The following RALYL variants were observed in gnomAD, a reference collection of about 807,000 sequenced individuals.
RALYL encodes the protein RALY RNA binding protein like.
In RALYL, 29 loss-of-function variants were observed where a neutral mutation model predicts 35.1. The observed-to-expected ratio is 0.83, with a 90% CI of 0.61 to 1.13. The LOEUF is 1.13. RALYL is among the 50% of genes most tolerant of loss of function. The pLI is 0.00. For synonymous variants in RALYL, 120 were observed against 127.6 expected, an observed-to-expected ratio of 0.94 and a Z score of 0.40; for missense variants, 359 against 360.4, an observed-to-expected ratio of 1.00 and a Z score of 0.03.
chr8:84,442,442 T>C (rs1007112917), intron 1 of RALYL, among the ~76,000 whole-genome samples: 1 of 152,150 alleles, frequency 6.6e-6, no homozygotes, highest in Non-Finnish European at 1.5e-5. Context: ...TTTCTTTTCC[T>C]ACAACCACCA....
At chr8:84,870,908 G>T (rs1840074772) in intron 6 of RALYL, among the ~76,000 whole-genome samples, 2 of 152,182 alleles carry the variant, frequency 1.3e-5, no homozygotes, top group African/African-American at 4.8e-5. Flanking sequence ...ATATTGAAGT[G>T]TGATGAGGAA....
At chr8:84,844,148 CA>C in intron 4 of RALYL, among the ~76,000 whole-genome samples, 1 of 152,226 alleles carries the variant, frequency 6.6e-6, no homozygotes, top group East Asian at 1.9e-4. Context: ...AGCTTCTGCA[CA>C]GCAAAAGAAA....
chr8:84,536,720 G>A (rs575440636), intron 2 of RALYL, among the ~76,000 whole-genome samples: 39 of 152,192 alleles, frequency 2.6e-4, no homozygotes, highest in African/African-American at 8.7e-4. Context: ...TTTGGACTGA[G>A]AAAAAAGAAG....
intron 2 of RALYL, among the ~76,000 whole-genome samples, chr8:84,539,850 ATATG>A (rs1487155273): frequency 0.011 from 122 of 11,116 alleles, 1 homozygote; most frequent in East Asian, 0.021. Context: ...ATATATATAT[ATATG>A]TATATATATA....
chr8:84,835,282 A>G (rs1394072717), intron 4 of RALYL, among the ~76,000 whole-genome samples: 5 of 152,220 alleles, frequency 3.3e-5, no homozygotes, highest in Non-Finnish European at 7.3e-5. Flanking sequence ...CAAAAAAGCT[A>G]TAATCAAAGA....
intron 1 of RALYL, among the ~76,000 whole-genome samples, chr8:84,420,161 A>G (rs1371644504): frequency 6.6e-6 from 1 of 151,940 alleles, no homozygotes; most frequent in Non-Finnish European, 1.5e-5. Flanking sequence ...CAGTCCCAGC[A>G]ACAGTGTAAA....
At chr8:84,880,982 G>C (rs1370506309) in intron 7 of RALYL, among the ~76,000 whole-genome samples, 2 of 151,618 alleles carry the variant, frequency 1.3e-5, no homozygotes, top group Non-Finnish European at 2.9e-5. Flanking sequence ...GTTTTATAAG[G>C]ATTATATAAT....
At chr8:84,405,046 C>G (rs1330496849) in intron 1 of RALYL, among the ~76,000 whole-genome samples, 1 of 152,120 alleles carries the variant, frequency 6.6e-6, no homozygotes. Flanking sequence ...AATTAGAACT[C>G]AGGATTAAGA....
intron 1 of RALYL, among the ~76,000 whole-genome samples, chr8:84,385,881 C>T (rs1859085139): frequency 6.6e-6 from 1 of 151,812 alleles, no homozygotes; most frequent in Non-Finnish European, 1.5e-5. Context: ...GCTTCATCTC[C>T]AGGATGGCAT....
At chr8:84,811,360 G>A (rs1563657049) in intron 4 of RALYL, among the ~76,000 whole-genome samples, 2 of 152,144 alleles carry the variant, frequency 1.3e-5, no homozygotes, top group South Asian at 4.1e-4. Context: ...CTTCTAGTTT[G>A]TAGGGTTTCT....
intron 3 of RALYL, among the ~76,000 whole-genome samples, chr8:84,777,937 G>T (rs773505091): frequency 6.6e-6 from 1 of 152,082 alleles, no homozygotes; most frequent in Non-Finnish European, 1.5e-5. Context: ...CACCGCACCC[G>T]GCTTCTGAGT....
At chr8:84,327,859 T>C (rs1846107862) in intron 1 of RALYL, among the ~76,000 whole-genome samples, 1 of 152,194 alleles carries the variant, frequency 6.6e-6, no homozygotes, top group Non-Finnish European at 1.5e-5. Flanking sequence ...TAATATAGAC[T>C]ATGCTTAGAA....
intron 8 of RALYL, among the ~76,000 whole-genome samples, chr8:84,892,787 A>G (rs906794801): frequency 3.3e-5 from 5 of 152,254 alleles, no homozygotes; most frequent in African/African-American, 4.8e-5. Flanking sequence ...TTTATAATTT[A>G]TAAGCAGCCA....
chr8:84,419,011 T>C (rs565751932), intron 1 of RALYL, among the ~76,000 whole-genome samples: 2 of 152,296 alleles, frequency 1.3e-5, no homozygotes, highest in East Asian at 3.9e-4. Context: ...TTTAATAGAA[T>C]TGTTTTACAT....
chr8:84,868,265 G>T (rs1430748848), intron 6 of RALYL, among the ~76,000 whole-genome samples: 1 of 152,088 alleles, frequency 6.6e-6, no homozygotes, highest in Non-Finnish European at 1.5e-5. Context: ...GGAATGCAGT[G>T]GCATGTAACC....
At chr8:84,710,133 C>T (rs936686848) in intron 2 of RALYL, among the ~76,000 whole-genome samples, 2 of 152,042 alleles carry the variant, frequency 1.3e-5, no homozygotes, top group Non-Finnish European at 2.9e-5. Flanking sequence ...ATCTCTATGC[C>T]TTTGCCTATT....
intron 1 of RALYL, among the ~76,000 whole-genome samples, chr8:84,242,035 G>A (rs1281550170): frequency 6.6e-5 from 10 of 152,016 alleles, no homozygotes; most frequent in Non-Finnish European, 4.4e-5. Flanking sequence ...CCTAGTGTGT[G>A]TTGTTCCCCC....
intron 1 of RALYL, among the ~76,000 whole-genome samples, chr8:84,200,964 A>AT (rs372462217): frequency 9.2e-5 from 14 of 152,234 alleles, no homozygotes; most frequent in African/African-American, 1.7e-4. Flanking sequence ...ATGAAAATTC[A>AT]TTTTTTTATC....
intron 1 of RALYL, among the ~76,000 whole-genome samples, chr8:84,432,496 GT>G (rs2047250874): frequency 6.6e-6 from 1 of 152,068 alleles, no homozygotes; most frequent in Admixed American, 6.6e-5. Context: ...CTAAAAATGT[GT>G]TAAGAGGGTA....
Sources: allele counts gnomAD v4.1 joint callset (sites outside exome capture counted in the v4.1 genomes callset), GRCh38; gene constraint gnomAD v4.1.1; transcripts MANE v1.5; gene names NCBI Gene and HGNC (gene_info 2026-07-23, HGNC 2026-07-21).